MMAA: variants seen among roughly 807,000 people sequenced by gnomAD.
The protein encoded by MMAA is metabolism of cobalamin associated A.
A neutral mutation model predicts 45.0 loss-of-function variants in MMAA; 41 were observed. That is an observed-to-expected ratio of 0.91 (90% CI 0.71 to 1.18). The LOEUF (loss-of-function observed/expected upper bound fraction) is 1.18, where lower values mean the gene tolerates loss of function less well. Ranked by LOEUF, MMAA falls within the 50% of genes most tolerant of loss-of-function variation. MMAA has a pLI of 0.00. For synonymous variants in MMAA, 154 were observed against 178.2 expected (o/e 0.86, Z 1.08); for missense variants, 460 against 495.7 (o/e 0.93, Z 0.68).
At chr4:145,642,245 A>G in intron 2 of MMAA, 118 bp from the exon 3 acceptor site, 1 of 1,143,186 alleles carries the variant, frequency 8.7e-7, no homozygotes, top group Non-Finnish European at 1.3e-6. Context: ...AAATATATTA[A>G]TTGTGGTTTT....
At chr4:145,648,102 G>T (rs934589080) in intron 4 of MMAA, among the ~76,000 whole-genome samples, 1 of 145,996 alleles carries the variant, frequency 6.8e-6, no homozygotes. Context: ...CTTGTGATCC[G>T]CCTGCCTCAG....
Position 145,655,873 on chromosome 4 carries a change from A to G in MMAA, c.*439A>G, listed in dbSNP as rs1728214856. 2 of 154,428 alleles carry G rather than the reference A, an allele frequency of 1.3e-5. No individual in the cohort carries two copies. Among genetic ancestry groups the G allele is most frequent in the South Asian group, 2.0e-4 (1 of 4,942 alleles). 9.6% of individuals were successfully genotyped at this position (154,428 alleles called of 1,614,324 possible). On this transcript the variant is annotated 3_prime_UTR_variant, in exon 7 of 7. Coordinates refer to ENST00000649156, the MANE Select transcript of MMAA (RefSeq NM_172250.3). ...CACAGTGGGTTGCTAAGAGCCGACA[A>G]TCATAATTGACATTTAGTGTACCAG... is the stretch of plus-strand genomic sequence containing the variant.
At chr4:145,619,967 T>C (rs991066151) in intron 1 of MMAA, among the ~76,000 whole-genome samples, 3 of 152,212 alleles carry the variant, frequency 2.0e-5, no homozygotes, top group Non-Finnish European at 2.9e-5. Context: ...TGTCTTCATA[T>C]GTATTTCTCA....
chr4:145,650,813 T>C, intron 4 of MMAA: 1 of 516,248 alleles, frequency 1.9e-6, no homozygotes, highest in Non-Finnish European at 3.5e-6. Flanking sequence ...GAGGAGAGGA[T>C]GGAAGCCTTT....
At chr4:145,621,116 G>C (rs1203178975) in intron 1 of MMAA, among the ~76,000 whole-genome samples, 1 of 152,168 alleles carries the variant, frequency 6.6e-6, no homozygotes, top group East Asian at 1.9e-4. Flanking sequence ...TTGATGCCAG[G>C]CCCTGTGCCA....
intron 1 of MMAA, among the ~76,000 whole-genome samples, chr4:145,638,353 A>T (rs566025512): frequency 2.2e-4 from 34 of 152,002 alleles, no homozygotes; most frequent in South Asian, 6.3e-4. Context: ...TGAGCGAGAG[A>T]GTGAGACTCC....
intron 4 of MMAA, 60 bp from the exon 5 acceptor site, chr4:145,651,002 A>T: frequency 1.4e-6 from 2 of 1,428,268 alleles, no homozygotes; most frequent in Non-Finnish European, 2.0e-6. Context: ...TGGTCAATGT[A>T]GTTGAGAAAG....
chr4:145,653,485 TA>T (rs1432185661), intron 5 of MMAA, among the ~76,000 whole-genome samples: 2 of 152,058 alleles, frequency 1.3e-5, no homozygotes, highest in African/African-American at 4.8e-5. Flanking sequence ...TAAATAATAA[TA>T]AAAAAAGAGA....
intron 1 of MMAA, among the ~76,000 whole-genome samples, chr4:145,631,467 T>C (rs184623376): frequency 3.0e-3 from 460 of 152,322 alleles, no homozygotes; most frequent in South Asian, 0.013. Flanking sequence ...TAATTACTCC[T>C]GTTCTTTTTT....
rs1734165205 is a variant in MMAA, at chr4:145,624,773, G to A, written c.-66+5366G>A. The A allele has an allele frequency of 1.4e-5, 23 of 1,598,474 alleles. No homozygotes were observed. The East Asian group carries it at 1.6e-4, about 11-fold the overall frequency. On this transcript the variant is annotated intron_variant, in intron 1 of 6. Coordinates refer to ENST00000649156, the MANE Select transcript of MMAA (RefSeq NM_172250.3). ...TCTCCTCACAATTCTCATCATACAC[G>A]CACTCTGCAAAGCTTATGCAGGGCT... is the stretch of plus-strand genomic sequence containing the variant.
At chr4:145,648,307 C>G (rs1413950099) in intron 4 of MMAA, among the ~76,000 whole-genome samples, 1 of 151,832 alleles carries the variant, frequency 6.6e-6, no homozygotes, top group Non-Finnish European at 1.5e-5. Context: ...GCCACCACAC[C>G]CGGCTAATTT....
intron 1 of MMAA, among the ~76,000 whole-genome samples, chr4:145,627,694 G>T (rs978504170): frequency 3.3e-5 from 5 of 152,178 alleles, no homozygotes; most frequent in Non-Finnish European, 7.4e-5. Flanking sequence ...GGGGGAAGAT[G>T]TATCTCTGAG....
At chr4:145,646,797 G>A (rs759292936) in intron 4 of MMAA, among the ~76,000 whole-genome samples, 8 of 152,174 alleles carry the variant, frequency 5.3e-5, no homozygotes, top group Non-Finnish European at 1.0e-4. Flanking sequence ...AAAGATACAC[G>A]GGAGTGAGAA....
At position 145,639,555 on chromosome 4, in the gene MMAA, G is replaced by A; in HGVS notation, c.416G>A (p.Gly139Glu). 3 of 1,608,980 alleles carry A rather than the reference G, an allele frequency of 1.9e-6. No individual in the cohort carries two copies. The highest frequency in any genetic ancestry group is 2.5e-6 in the Non-Finnish European group (3 of 1,177,238). The change falls in exon 2 of 7, where the codon GGA becomes GAA. Residue 139 changes from glycine to glutamate, a missense_variant. By Grantham distance (98) the Gly-to-Glu change is moderately conservative. Transcript: ENST00000649156. Reference sequence around the variant, plus strand: ...AGAGAACAAGAACAATCAAATAAAGGAAAACCACTAGCATTTCGAGTAGGT... The same window carrying A: ...AGAGAACAAGAACAATCAAATAAAGAAAAACCACTAGCATTTCGAGTAGGT... ...YHREQEQSNKGKPLAFRVGLS... is the reference protein window; with the variant it reads ...YHREQEQSNKEKPLAFRVGLS...
chr4:145,644,074 A>C (rs937845605), intron 3 of MMAA, among the ~76,000 whole-genome samples: 5 of 152,312 alleles, frequency 3.3e-5, no homozygotes, highest in Admixed American at 6.5e-5. Context: ...GAGAAGCATT[A>C]GTTTTTTGGT....
At chr4:145,646,812 T>G (rs1727938286) in intron 4 of MMAA, among the ~76,000 whole-genome samples, 1 of 152,168 alleles carries the variant, frequency 6.6e-6, no homozygotes, top group African/African-American at 2.4e-5. Context: ...TGAGAAAACA[T>G]GGCCCATCCA....
chr4:145,627,757 G>A (rs1209494092), intron 1 of MMAA, among the ~76,000 whole-genome samples: 1 of 152,060 alleles, frequency 6.6e-6, no homozygotes, highest in Non-Finnish European at 1.5e-5. Flanking sequence ...TGAACGATAT[G>A]CACTACAGAC....
chr4:145,625,508 C>T, intron 1 of MMAA: 1 of 732,868 alleles, frequency 1.4e-6, no homozygotes, highest in Non-Finnish European at 2.6e-6. Context: ...CCAGGAAGGG[C>T]CCAATATTTG....
In MMAA at chr4:145,624,639, A is replaced by C. The variant is rs1734162505; in HGVS notation, c.-66+5232A>C. The C allele has an allele frequency of 2.1e-6, 3 of 1,426,826 alleles. No individual in the cohort carries two copies. The East Asian group carries it at 6.8e-5, about 32-fold the overall frequency. 88.4% of individuals were successfully genotyped at this position (1,426,826 alleles called of 1,614,324 possible). ...TATTACTTCTTTACTAGAAGGACAG[A>C]GCCACATATTCAGGGAATCTTTATG... On this transcript the variant is annotated intron_variant, in intron 1 of 6. Coordinates refer to ENST00000649156, the MANE Select transcript of MMAA (RefSeq NM_172250.3).
Sources: gnomAD v4.1 joint callset for allele counts (sites outside exome capture counted in the v4.1 genomes callset) on GRCh38, gnomAD v4.1.1 for gene constraint, MANE v1.5 for transcripts, NCBI Gene and HGNC (gene_info 2026-07-23, HGNC 2026-07-21) for gene names.